The following ALDH9A1 variants were observed in gnomAD, a reference collection of about 807,000 sequenced individuals.
ALDH9A1 encodes aldehyde dehydrogenase 9 family member A1.
Under a neutral mutation model 56.6 loss-of-function variants are expected in ALDH9A1, and 42 were observed. The ratio of observed to expected loss-of-function variants is 0.74; its 90% CI spans 0.58 to 0.96. The LOEUF is 0.96. Among genes scored for constraint, ALDH9A1 ranks in the 40% least tolerant of loss-of-function variants. The pLI is 0.00. For synonymous variants in ALDH9A1, 242 were observed against 236.0 expected, an observed-to-expected ratio of 1.03 and a Z score of -0.23; for missense variants, 661 against 651.5, an observed-to-expected ratio of 1.01 and a Z score of -0.16.
At chr1:165,687,509 C>CA (rs2101752624) in intron 2 of ALDH9A1, among the ~76,000 whole-genome samples, 1 of 151,960 alleles carries the variant, frequency 6.6e-6, no homozygotes, top group Admixed American at 6.5e-5. Context: ...TACAAAGATA[C>CA]AAAAATAAAA....
chr1:165,696,411 G>C (rs1650085671), intron 1 of ALDH9A1, among the ~76,000 whole-genome samples: 1 of 152,152 alleles, frequency 6.6e-6, no homozygotes, highest in Non-Finnish European at 1.5e-5. Flanking sequence ...CTTGTAAAAT[G>C]AAAGTCAAAA....
At chr1:165,681,353 T>A (rs1649545070) in intron 4 of ALDH9A1, among the ~76,000 whole-genome samples, 1 of 152,194 alleles carries the variant, frequency 6.6e-6, no homozygotes, top group African/African-American at 2.4e-5. Flanking sequence ...TTTATAAAAG[T>A]TGACATTGAA....
intron 2 of ALDH9A1, among the ~76,000 whole-genome samples, chr1:165,692,098 C>T (rs992744187): frequency 2.6e-5 from 4 of 152,100 alleles, no homozygotes; most frequent in Non-Finnish European, 5.9e-5. Flanking sequence ...TATGACAAAC[C>T]CACAGCCAAT....
intron 2 of ALDH9A1, among the ~76,000 whole-genome samples, chr1:165,684,076 T>C (rs1202273619): frequency 6.6e-6 from 1 of 152,098 alleles, no homozygotes; most frequent in Non-Finnish European, 1.5e-5. Context: ...CTATCCACAG[T>C]ACAAAGCTCA....
intron 6 of ALDH9A1, among the ~76,000 whole-genome samples, chr1:165,675,169 T>C (rs1335598376): frequency 1.3e-5 from 2 of 152,056 alleles, no homozygotes; most frequent in Non-Finnish European, 2.9e-5. Context: ...CACTCCAACT[T>C]GGGCTACAGA....
At chr1:165,681,157 G>A (rs1265983567) in intron 4 of ALDH9A1, among the ~76,000 whole-genome samples, 1 of 152,178 alleles carries the variant, frequency 6.6e-6, no homozygotes, top group African/African-American at 2.4e-5. Flanking sequence ...AGATTTGGGT[G>A]GGGACACAGC....
At position 165,669,398 on chromosome 1, in the gene ALDH9A1, A is replaced by C. The variant is rs201197861; in HGVS notation, c.983T>G (p.Phe328Cys). The C allele has an allele frequency of 1.4e-4, 229 of 1,613,688 alleles. 1 individual carries two copies. Among genetic ancestry groups the C allele is most frequent in the Middle Eastern group, 9.9e-4 (6 of 6,076 alleles). Reference sequence around the variant, plus strand: ...GGTCTGTTTCACCACTTCCTCTGTAAATTTATCAAGAATTTCTTTCTGCAC... The same window carrying C: ...GGTCTGTTTCACCACTTCCTCTGTACATTTATCAAGAATTTCTTTCTGCAC... ...VFVQKEILDKFTEEVVKQTQR... is the reference protein window; with the variant it reads ...VFVQKEILDKCTEEVVKQTQR... Residue 328 changes from phenylalanine (F) to cysteine (C), a missense_variant, in exon 7 of 11, where the codon TTT becomes TGT. Transcript: ENST00000354775.
rs1649045758 is a variant in ALDH9A1, at chr1:165,667,518, T to C, written c.1208-68A>G. The C allele has an allele frequency of 3.2e-6, 5 of 1,556,348 alleles. No homozygotes were observed. In the East Asian group the frequency reaches 9.1e-5, roughly 28 times the overall value. On this transcript the variant is annotated intron_variant, in intron 8 of 10. Transcript: ENST00000354775. Reference sequence around the variant, plus strand: ...AGTGTGCACCACCACCCCCAGCTAATTTTTTGAAGATCGGGTCTCACTATG... The same window carrying C: ...AGTGTGCACCACCACCCCCAGCTAACTTTTTGAAGATCGGGTCTCACTATG...
At chr1:165,684,819 G>T (rs755404165) in intron 2 of ALDH9A1, among the ~76,000 whole-genome samples, 3 of 152,246 alleles carry the variant, frequency 2.0e-5, no homozygotes, top group Non-Finnish European at 4.4e-5. Flanking sequence ...CTAAGCCCTG[G>T]AACATTTACT....
At chr1:165,664,104 G>C (rs1233537623) in intron 10 of ALDH9A1, among the ~76,000 whole-genome samples, 2 of 152,096 alleles carry the variant, frequency 1.3e-5, no homozygotes, top group Non-Finnish European at 2.9e-5. Context: ...ACCTGCACTT[G>C]TGTCTGTGTG....
Position 165,669,397 on chromosome 1 carries a change from A to G in ALDH9A1, c.984T>C (p.Phe328=). Residue 328 remains phenylalanine, a synonymous_variant, in exon 7 of 11, where the codon TTT becomes TTC. Coordinates refer to ENST00000354775, the MANE Select transcript of ALDH9A1 (RefSeq NM_000696.4). The part of the protein sequence containing the change: ...VFVQKEILDK[F]TEEVVKQTQR... ...GGGTCTGTTTCACCACTTCCTCTGT[A>G]AATTTATCAAGAATTTCTTTCTGCA... The G allele has an allele frequency of 6.2e-7, 1 of 1,613,916 alleles. No individual in the cohort carries two copies. Among genetic ancestry groups the G allele is most frequent in the Non-Finnish European group, 8.5e-7 (1 of 1,179,920 alleles).
chr1:165,698,260 C>CCACT, intron 1 of ALDH9A1, 118 bp downstream of exon 1: 1 of 1,452,242 alleles, frequency 6.9e-7, no homozygotes, highest in Non-Finnish European at 9.0e-7. Flanking sequence ...CTTAGACTCT[C>CCACT]CACTGTCACT....
At chr1:165,698,323 A>T in intron 1 of ALDH9A1, 55 bp downstream of exon 1, 1 of 1,544,584 alleles carries the variant, frequency 6.5e-7, no homozygotes, top group Non-Finnish European at 8.7e-7. Context: ...GCTGGCCGGG[A>T]AATCCGCGCA....
intron 1 of ALDH9A1, 103 bp downstream of exon 1, chr1:165,698,275 T>G (rs4646883): frequency 6.8e-7 from 1 of 1,472,246 alleles, no homozygotes; most frequent in South Asian, 1.5e-5. Flanking sequence ...GTCACTGTCT[T>G]GTGCTCAAGT....
rs758705842 is a variant in ALDH9A1, at chr1:165,698,418, C to G, written c.141G>C (p.Ala47=). 7 of 1,605,886 alleles carry G rather than the reference C, an allele frequency of 4.4e-6. No homozygotes were observed. In the East Asian group the frequency reaches 1.6e-4, roughly 36 times the overall value. ...AAGCTTTCTCGGTACCGGAGGCGTC[C>G]GCCGGCTCCACGCGGGCCCCGCCGC... ...NYRGGARVEP[A]DASGTEKAFE... is the part of the protein sequence containing the mutation. Residue 47 remains alanine, a synonymous_variant, in exon 1 of 11, where the codon GCG becomes GCC. Transcript: ENST00000354775.
At chr1:165,695,159 C>A in intron 2 of ALDH9A1, 93 bp downstream of exon 2, 1 of 1,353,408 alleles carries the variant, frequency 7.4e-7, no homozygotes, top group Non-Finnish European at 9.9e-7. Flanking sequence ...AAAAACGTTA[C>A]GGCCTAATGT....
chr1:165,677,002 ACAAT>A (rs958213058), intron 6 of ALDH9A1, among the ~76,000 whole-genome samples: 1 of 152,188 alleles, frequency 6.6e-6, no homozygotes, highest in African/African-American at 2.4e-5. Flanking sequence ...TGGTTAGAAA[ACAAT>A]CAGATATTAT....
At chr1:165,672,330 A>G (rs552306915) in intron 6 of ALDH9A1, among the ~76,000 whole-genome samples, 29 of 152,324 alleles carry the variant, frequency 1.9e-4, no homozygotes, top group African/African-American at 7.0e-4. Context: ...TTAGCCTTAA[A>G]AAGGAAAGAA....
In ALDH9A1 at chr1:165,663,159, AG is replaced by A. The variant is rs749351124; in HGVS notation, c.1463-16del. ...TCTGCCAAATCCTGAAAGGAGGAGA[AG>A]GGGTCAGGTTGAGCCATCACTACAA... On this transcript the variant is annotated splice_polypyrimidine_tract_variant and intron_variant, in intron 10 of 10. Transcript: ENST00000354775. The A allele has an allele frequency of 1.2e-6, 2 of 1,608,028 alleles. No individual in the cohort carries two copies. The highest frequency in any genetic ancestry group is 3.3e-5 in the Admixed American group (2 of 59,990).
Sources: allele counts gnomAD v4.1 joint callset (sites outside exome capture counted in the v4.1 genomes callset), GRCh38; gene constraint gnomAD v4.1.1; transcripts MANE v1.5; gene names NCBI Gene and HGNC (gene_info 2026-07-23, HGNC 2026-07-21).